FADS2: variants seen among roughly 807,000 people sequenced by gnomAD.
FADS2 encodes the protein acyl-CoA 6-desaturase.
FADS2 carries 18 observed loss-of-function variants against 61.2 expected under a neutral mutation model. The ratio of observed to expected loss-of-function variants is 0.29; its 90% CI spans 0.20 to 0.44. The LOEUF is 0.44. Ranked by LOEUF, FADS2 falls within the 20% of genes least tolerant of loss-of-function variation. FADS2 has a pLI of 1.00. For missense variants in FADS2, 322 were observed against 572.7 expected (o/e 0.56, Z 4.47); for synonymous variants, 203 against 223.9 (o/e 0.91, Z 0.83).
chr11:61,839,113 TG>T (rs2067197904), intron 2 of FADS2, among the ~76,000 whole-genome samples: 1 of 151,856 alleles, frequency 6.6e-6, no homozygotes, highest in Non-Finnish European at 1.5e-5. Context: ...GCAATGCCAT[TG>T]TGTTCCCAGG....
chr11:61,817,093 G>A, intron 1 of FADS2: 1 of 764,270 alleles, frequency 1.3e-6, no homozygotes, highest in Admixed American at 4.3e-5. Context: ...TGGCTCCCAG[G>A]GGGCGCCGCG....
intron 5 of FADS2, chr11:61,855,660 G>A (rs1033203713): frequency 3.3e-5 from 5 of 152,426 alleles, no homozygotes; most frequent in African/African-American, 1.2e-4. Context: ...TTGGCGCCAA[G>A]ATGCAAGCCT....
chr11:61,855,701 C>T (rs2067350947), intron 5 of FADS2: 1 of 152,288 alleles, frequency 6.6e-6, no homozygotes. Context: ...TTCCCACCCA[C>T]AGCCTCTTCC....
At chr11:61,843,329 C>A (rs1015906243) in intron 4 of FADS2, among the ~76,000 whole-genome samples, 12 of 152,200 alleles carry the variant, frequency 7.9e-5, no homozygotes, top group African/African-American at 2.9e-4. Flanking sequence ...ACTGGGGAGG[C>A]TGAGGCCGGA....
chr11:61,850,228 GTTCATAATTTCT>G, intron 5 of FADS2, among the ~76,000 whole-genome samples: 1 of 151,988 alleles, frequency 6.6e-6, no homozygotes, highest in Non-Finnish European at 1.5e-5. Context: ...AGTGTCAGTA[GTTCATAATTTCT>G]TTCTTTTCTT....
At chr11:61,857,676 A>C in intron 7 of FADS2, 146 bp downstream of exon 7, 2 of 678,660 alleles carry the variant, frequency 2.9e-6, no homozygotes, top group South Asian at 3.2e-5. Context: ...GCCTCTCAGG[A>C]AAGGACTCCC....
At chr11:61,822,423 C>T (rs1176455477) in intron 1 of FADS2, among the ~76,000 whole-genome samples, 1 of 152,206 alleles carries the variant, frequency 6.6e-6, no homozygotes, top group Non-Finnish European at 1.5e-5. Context: ...TTATTTATAA[C>T]TTTTAGTTCC....
chr11:61,843,278 G>T (rs174584), intron 4 of FADS2, among the ~76,000 whole-genome samples: 1 of 151,910 alleles, frequency 6.6e-6, no homozygotes, highest in Admixed American at 6.6e-5. Flanking sequence ...AAAAATAAAA[G>T]AATTAGCCGG....
chr11:61,830,873 G>C (rs1263707831), intron 1 of FADS2, among the ~76,000 whole-genome samples: 1 of 152,172 alleles, frequency 6.6e-6, no homozygotes, highest in East Asian at 1.9e-4. Flanking sequence ...ATAAGAACAA[G>C]TATTATGAAA....
At chr11:61,817,113 G>T (rs978956253) in intron 1 of FADS2, 1 of 633,790 alleles carries the variant, frequency 1.6e-6, no homozygotes, top group Non-Finnish European at 2.4e-6. Flanking sequence ...GGTAGGAACA[G>T]CGGTTCTAGT....
At chr11:61,832,271 G>A (rs1427558157) in intron 1 of FADS2, among the ~76,000 whole-genome samples, 3 of 152,178 alleles carry the variant, frequency 2.0e-5, no homozygotes, top group South Asian at 2.1e-4. Flanking sequence ...GCAACAGATC[G>A]AAAGTGGAAC....
intron 1 of FADS2, among the ~76,000 whole-genome samples, chr11:61,821,026 A>G (rs2067032940): frequency 6.6e-6 from 1 of 152,332 alleles, no homozygotes; most frequent in South Asian, 2.1e-4. Context: ...TTACCCACCT[A>G]CACAGGTGGT....
At chr11:61,860,147 CTT>C (rs146855491) in intron 7 of FADS2, among the ~76,000 whole-genome samples, 2,078 of 152,316 alleles carry the variant, frequency 0.014, 52 homozygotes, top group African/African-American at 0.046. Context: ...TCCGGAGACA[CTT>C]TTAATTGTCA....
chr11:61,865,453 C>T lies in FADS2; in HGVS notation c.1283+176C>T. The T allele has an allele frequency of 2.1e-6, 2 of 963,936 alleles. No individual in the cohort carries two copies. Among genetic ancestry groups the T allele is most frequent in the Non-Finnish European group, 3.1e-6 (2 of 648,862 alleles). 59.7% of individuals were successfully genotyped at this position (963,936 alleles called of 1,614,324 possible). A position where few individuals can be genotyped will look rare whatever the true frequency, so the allele number is the denominator to read the frequency against. On this transcript the variant is annotated intron_variant, in intron 11 of 11. Coordinates refer to ENST00000278840, the MANE Select transcript of FADS2 (RefSeq NM_004265.4). The surrounding 1 kb of genome is among the most constrained non-coding windows in gnomAD (Gnocchi z 4.1). ...CTCCCTGGGCTGCGAGAAGACCATC[C>T]CTTTCTGTGTGGGGTTCCTGGTGGG...
chr11:61,838,408 G>A (rs752218247), intron 2 of FADS2, among the ~76,000 whole-genome samples: 5 of 152,158 alleles, frequency 3.3e-5, no homozygotes, highest in South Asian at 2.1e-4. Context: ...TGTAAATGGC[G>A]GAGCCGTTTA....
intron 7 of FADS2, among the ~76,000 whole-genome samples, chr11:61,858,871 C>T (rs2067388724): frequency 6.6e-6 from 1 of 152,214 alleles, no homozygotes; most frequent in Non-Finnish European, 1.5e-5. Context: ...GCGTGAGCCA[C>T]TGCACCCGGC....
intron 7 of FADS2, chr11:61,861,885 T>C (rs1289748907): frequency 2.0e-5 from 3 of 152,266 alleles, no homozygotes; most frequent in African/African-American, 7.2e-5. Context: ...TGTCATTTCA[T>C]GTCTGAGCCG....
chr11:61,859,792 C>G (rs2067397546), intron 7 of FADS2, among the ~76,000 whole-genome samples: 1 of 152,100 alleles, frequency 6.6e-6, no homozygotes, highest in African/African-American at 2.4e-5. Flanking sequence ...CGAGACCAGC[C>G]TGGCCAGCAT....
At chr11:61,840,295 C>T (rs1296893637) in intron 2 of FADS2, 39 bp from the exon 3 acceptor site, 1 of 1,537,412 alleles carries the variant, frequency 6.5e-7, no homozygotes, top group Non-Finnish European at 9.0e-7. Flanking sequence ...TCCAGAGTGG[C>T]TGGTGGCTGA....
Sources: allele counts gnomAD v4.1 joint callset (sites outside exome capture counted in the v4.1 genomes callset), GRCh38; gene constraint gnomAD v4.1.1; non-coding constraint Gnocchi (gnomAD v3.1); transcripts MANE v1.5; gene names NCBI Gene and HGNC (gene_info 2026-07-23, HGNC 2026-07-21).